ZSWIM6: variants seen among roughly 807,000 people sequenced by gnomAD.
ZSWIM6 encodes zinc finger SWIM domain-containing protein 6.
Under a neutral mutation model 113.2 loss-of-function variants are expected in ZSWIM6, and 9 were observed. That is an observed-to-expected ratio of 0.08 (90% CI 0.05 to 0.14). ZSWIM6 has a LOEUF of 0.14. Ranked by LOEUF, ZSWIM6 falls within the 10% of genes least tolerant of loss-of-function variation. The pLI is 1.00. For missense variants in ZSWIM6, 1,162 were observed against 1,552.2 expected (o/e 0.75, Z 4.22); for synonymous variants, 611 against 606.5 (o/e 1.01, Z -0.11).
intron 1 of ZSWIM6, among the ~76,000 whole-genome samples, chr5:61,340,118 G>C (rs1434224333): frequency 2.0e-5 from 3 of 152,092 alleles, no homozygotes; most frequent in Non-Finnish European, 4.4e-5. Flanking sequence ...TTGCTTTTCA[G>C]TTCTTTAAAA....
chr5:61,387,288 A>G (rs1051434977), intron 1 of ZSWIM6, among the ~76,000 whole-genome samples: 2 of 152,200 alleles, frequency 1.3e-5, no homozygotes, highest in African/African-American at 4.8e-5. Flanking sequence ...TCTCTTCCAT[A>G]TTTCATGCTG....
intron 1 of ZSWIM6, among the ~76,000 whole-genome samples, chr5:61,456,197 T>C (rs1248292303): frequency 1.3e-5 from 2 of 152,158 alleles, no homozygotes; most frequent in African/African-American, 4.8e-5. Flanking sequence ...ATTGGAGGCC[T>C]TCTCAAAAAG....
At chr5:61,452,892 C>G (rs1163227061) in intron 1 of ZSWIM6, among the ~76,000 whole-genome samples, 2 of 152,100 alleles carry the variant, frequency 1.3e-5, no homozygotes, top group African/African-American at 4.8e-5. Context: ...TCTGTCTTTC[C>G]TTGTCTTTTA....
intron 3 of ZSWIM6, among the ~76,000 whole-genome samples, chr5:61,492,592 A>G (rs746087101): frequency 4.6e-5 from 7 of 152,232 alleles, no homozygotes; most frequent in South Asian, 4.1e-4. Flanking sequence ...ACTCTTTAAC[A>G]TTGTATCCAA....
intron 4 of ZSWIM6, among the ~76,000 whole-genome samples, chr5:61,498,607 AT>A (rs748404164): frequency 4.6e-5 from 7 of 152,160 alleles, no homozygotes; most frequent in Non-Finnish European, 8.8e-5. Flanking sequence ...ATTAGAGTAA[AT>A]CTAACTATGT....
chr5:61,438,624 C>T (rs932100563), intron 1 of ZSWIM6, among the ~76,000 whole-genome samples: 2 of 152,130 alleles, frequency 1.3e-5, no homozygotes, highest in African/African-American at 2.4e-5. Context: ...CAATGAACAA[C>T]ATATAATTCT....
At chr5:61,363,870 TTCCC>T (rs1175467069) in intron 1 of ZSWIM6, among the ~76,000 whole-genome samples, 1 of 110,670 alleles carries the variant, frequency 9.0e-6, no homozygotes, top group African/African-American at 3.2e-5. Context: ...CCTTCCTTCC[TTCCC>T]TCCTTCCTTC....
At chr5:61,460,632 A>G (rs1366186181) in intron 1 of ZSWIM6, among the ~76,000 whole-genome samples, 1 of 152,138 alleles carries the variant, frequency 6.6e-6, no homozygotes, top group African/African-American at 2.4e-5. Context: ...CAAATTGTCC[A>G]ATAATGCAGT....
chr5:61,409,070 G>A (rs1746101629), intron 1 of ZSWIM6, among the ~76,000 whole-genome samples: 1 of 136,444 alleles, frequency 7.3e-6, no homozygotes, highest in South Asian at 2.3e-4. Context: ...TGAGGGGAAA[G>A]GTTTTTTTTT....
intron 1 of ZSWIM6, among the ~76,000 whole-genome samples, chr5:61,417,047 CAGG>C (rs1746273469): frequency 6.6e-6 from 1 of 152,196 alleles, no homozygotes; most frequent in African/African-American, 2.4e-5. Context: ...GAGGCTGAGG[CAGG>C]AGAATTGCTT....
chr5:61,389,546 C>T (rs947017843), intron 1 of ZSWIM6, among the ~76,000 whole-genome samples: 3 of 107,562 alleles, frequency 2.8e-5, no homozygotes, highest in Non-Finnish European at 5.3e-5. Context: ...CAGTGCAAGA[C>T]TCAGTCTCAA....
At chr5:61,392,831 C>T (rs955336691) in intron 1 of ZSWIM6, among the ~76,000 whole-genome samples, 11 of 151,816 alleles carry the variant, frequency 7.2e-5, no homozygotes, top group African/African-American at 2.2e-4. Context: ...AGGCTGGTCT[C>T]GAACTCCCAA....
chr5:61,469,636 G>A (rs1412354723), intron 1 of ZSWIM6, among the ~76,000 whole-genome samples: 2 of 152,150 alleles, frequency 1.3e-5, no homozygotes, highest in Admixed American at 1.3e-4. Context: ...TATAACTCAT[G>A]TGAATAAAGC....
At chr5:61,387,897 C>T (rs1324138159) in intron 1 of ZSWIM6, among the ~76,000 whole-genome samples, 2 of 145,684 alleles carry the variant, frequency 1.4e-5, no homozygotes, top group Non-Finnish European at 3.0e-5. Flanking sequence ...GGTGACAGAG[C>T]GAGACTCCCT....
chr5:61,359,066 G>T (rs1335383511), intron 1 of ZSWIM6, among the ~76,000 whole-genome samples: 1 of 152,144 alleles, frequency 6.6e-6, no homozygotes, highest in Non-Finnish European at 1.5e-5. Context: ...ACACATAGTG[G>T]TAAATTATGA....
At chr5:61,501,525 C>G (rs558933338) in intron 4 of ZSWIM6, among the ~76,000 whole-genome samples, 2 of 152,334 alleles carry the variant, frequency 1.3e-5, no homozygotes, top group Non-Finnish European at 2.9e-5. Context: ...ATCCTATTGT[C>G]TAACCAATTG....
Position 61,521,291 on chromosome 5 carries a change from C to A in ZSWIM6, c.1362C>A (p.Asn454Lys), listed in dbSNP as rs967924900. Residue 454 changes from asparagine (N) to lysine (K), a missense_variant, in exon 5 of 14, where the codon AAC becomes AAA. Transcript: ENST00000252744. ...CTCTGTGGATGTGTATAGTTTTAAA[C>A]CCCCACTGCAAGTTGGAGCAAAAGG... is the stretch of plus-strand genomic sequence containing the variant. ...LGALWMCIVL[N>K]PHCKLEQKAS... 3.3e-6 allele frequency: 5 copies of A among 1,502,328 alleles called. No individual in the cohort carries two copies. Among genetic ancestry groups the A allele is most frequent in the Middle Eastern group, 1.7e-4 (1 of 5,870 alleles). 93.1% of individuals were successfully genotyped at this position (1,502,328 alleles called of 1,614,324 possible). A position where few individuals can be genotyped will look rare whatever the true frequency, so the allele number is the denominator to read the frequency against.
At chr5:61,339,732 T>C (rs1744494883) in intron 1 of ZSWIM6, among the ~76,000 whole-genome samples, 1 of 152,172 alleles carries the variant, frequency 6.6e-6, no homozygotes, top group Non-Finnish European at 1.5e-5. Context: ...TAGTAAACAG[T>C]ATGAAACCCA....
chr5:61,420,346 GT>G (rs924367075), intron 1 of ZSWIM6, among the ~76,000 whole-genome samples: 1 of 152,216 alleles, frequency 6.6e-6, no homozygotes, highest in Non-Finnish European at 1.5e-5. Context: ...ATATCTGAAA[GT>G]TTTAACAATA....
Sources: allele counts gnomAD v4.1 joint callset (sites outside exome capture counted in the v4.1 genomes callset), GRCh38; gene constraint gnomAD v4.1.1; transcripts MANE v1.5; gene names NCBI Gene and HGNC (gene_info 2026-07-23, HGNC 2026-07-21).